NAALADL2: variants seen among roughly 807,000 people sequenced by gnomAD.
NAALADL2 encodes the protein N-acetylated alpha-linked acidic dipeptidase like 2, also known as inactive N-acetylated-alpha-linked acidic dipeptidase-like protein 2.
Under a neutral mutation model 87.2 loss-of-function variants are expected in NAALADL2, and 76 were observed. That is an observed-to-expected ratio of 0.87 (90% CI 0.72 to 1.05). NAALADL2 has a LOEUF of 1.05. NAALADL2 is among the 50% of genes least tolerant of loss of function. The pLI, the probability that NAALADL2 is intolerant of heterozygous loss-of-function variation, is 0.00. For missense variants in NAALADL2, 1,089 were observed against 945.8 expected, an observed-to-expected ratio of 1.15 and a Z score of -1.99; for synonymous variants, 354 against 331.0, an observed-to-expected ratio of 1.07 and a Z score of -0.75.
chr3:175,443,371 G>T (rs115738301), intron 5 of NAALADL2, among the ~76,000 whole-genome samples: 2 of 152,114 alleles, frequency 1.3e-5, no homozygotes, highest in Non-Finnish European at 2.9e-5. Context: ...AAAATGGAAT[G>T]CAGTTATTGA....
intron 6 of NAALADL2, among the ~76,000 whole-genome samples, chr3:175,460,884 A>C (rs1018340347): frequency 1.3e-5 from 2 of 152,140 alleles, no homozygotes; most frequent in African/African-American, 4.8e-5. Flanking sequence ...CAAAAGAATA[A>C]AGCTTCCACA....
chr3:175,222,227 T>C (rs968732725), intron 2 of NAALADL2, among the ~76,000 whole-genome samples: 5 of 152,188 alleles, frequency 3.3e-5, no homozygotes, highest in African/African-American at 1.2e-4. Context: ...TCCTTAGATG[T>C]AGTAGATATT....
At chr3:175,002,924 C>T (rs554414100) in intron 1 of NAALADL2, among the ~76,000 whole-genome samples, 2 of 152,158 alleles carry the variant, frequency 1.3e-5, no homozygotes, top group Non-Finnish European at 2.9e-5. Flanking sequence ...CAGGCAAAAC[C>T]TTGCATCCTC....
chr3:175,172,978 G>A (rs987154551), intron 2 of NAALADL2, among the ~76,000 whole-genome samples: 8 of 151,924 alleles, frequency 5.3e-5, no homozygotes, highest in African/African-American at 1.9e-4. Flanking sequence ...ATAGATATTC[G>A]ATGCTGGTGT....
intron 2 of NAALADL2, among the ~76,000 whole-genome samples, chr3:174,675,581 G>A (rs1726971372): frequency 1.3e-5 from 2 of 152,120 alleles, no homozygotes; most frequent in South Asian, 4.1e-4. Flanking sequence ...AGAACAGACT[G>A]TTCTGTTCCC....
At position 175,806,761 on chromosome 3, in the gene NAALADL2, A is replaced by C. The variant is rs975547449; in HGVS notation, c.*3558A>C. On this transcript the variant is annotated 3_prime_UTR_variant, in exon 14 of 14. Transcript: ENST00000454872. ...CAAAATGAGAAAACTAGGTTGAGTGACTTGTCCACAGTTCCAAAGCTAATA... is the reference window on the plus strand; with the variant it reads ...CAAAATGAGAAAACTAGGTTGAGTGCCTTGTCCACAGTTCCAAAGCTAATA... The C allele has an allele frequency of 1.4e-5, 2 of 143,514 alleles. No individual in the cohort carries two copies. The highest frequency in any genetic ancestry group is 3.0e-5 in the Non-Finnish European group (2 of 66,380). The allele number at this position is 143,514 out of a possible 1,614,324, so 8.9% of individuals were successfully genotyped here.
chr3:175,314,202 G>A (rs1560340554), intron 4 of NAALADL2, among the ~76,000 whole-genome samples: 1 of 151,468 alleles, frequency 6.6e-6, no homozygotes, highest in Non-Finnish European at 1.5e-5. Flanking sequence ...ATGTATTTCA[G>A]AGCTGATTAT....
chr3:175,530,990 C>G (rs1734019622), intron 9 of NAALADL2, among the ~76,000 whole-genome samples: 1 of 152,046 alleles, frequency 6.6e-6, no homozygotes, highest in African/African-American at 2.4e-5. Flanking sequence ...CTCCAAAATC[C>G]TAGAGGCCTC....
chr3:175,461,476 C>A (rs1376130387), intron 6 of NAALADL2, among the ~76,000 whole-genome samples: 1 of 152,152 alleles, frequency 6.6e-6, no homozygotes, highest in Non-Finnish European at 1.5e-5. Context: ...CTCAATCCCC[C>A]CTCTAATCAC....
chr3:175,653,327 G>T (rs1419768094), intron 11 of NAALADL2, among the ~76,000 whole-genome samples: 2 of 152,072 alleles, frequency 1.3e-5, no homozygotes, highest in African/African-American at 2.4e-5. Flanking sequence ...GGCTCATATC[G>T]TAGAAGGGTC....
chr3:174,496,254 T>C (rs1515589), intron 1 of NAALADL2, among the ~76,000 whole-genome samples: 63,562 of 151,978 alleles, frequency 0.42, 14,294 homozygotes, highest in East Asian at 0.88. Context: ...ACCCTAGACA[T>C]GTCTTAAAGC....
intron 3 of NAALADL2, among the ~76,000 whole-genome samples, chr3:175,240,951 G>C (rs546742655): frequency 6.6e-6 from 1 of 152,250 alleles, no homozygotes; most frequent in Non-Finnish European, 1.5e-5. Context: ...ATGAGCCACT[G>C]TGCCAGGCCC....
intron 2 of NAALADL2, among the ~76,000 whole-genome samples, chr3:175,183,853 T>C (rs1410442934): frequency 6.6e-6 from 1 of 152,112 alleles, no homozygotes; most frequent in African/African-American, 2.4e-5. Flanking sequence ...TCTTACTTTG[T>C]TGACAGAGCA....
intron 1 of NAALADL2, among the ~76,000 whole-genome samples, chr3:174,518,472 C>T (rs1418636908): frequency 3.9e-5 from 6 of 152,116 alleles, no homozygotes; most frequent in Admixed American, 3.9e-4. Flanking sequence ...GATCTCTTTG[C>T]TTGTAGTGTT....
At chr3:175,203,520 C>T (rs1252215673) in intron 2 of NAALADL2, among the ~76,000 whole-genome samples, 1 of 152,176 alleles carries the variant, frequency 6.6e-6, no homozygotes, top group Non-Finnish European at 1.5e-5. Context: ...CAGGAGCCGT[C>T]TGCTTCCTTC....
intron 2 of NAALADL2, among the ~76,000 whole-genome samples, chr3:174,643,519 T>C (rs1723471110): frequency 6.6e-6 from 1 of 151,620 alleles, no homozygotes; most frequent in African/African-American, 2.4e-5. Flanking sequence ...CTGGGTGTGG[T>C]GGTGGGCGCC....
intron 13 of NAALADL2, among the ~76,000 whole-genome samples, chr3:175,762,272 TTTTA>T (rs1049520403): frequency 1.3e-4 from 20 of 149,122 alleles, no homozygotes; most frequent in African/African-American, 4.7e-4. Flanking sequence ...TTGAATTGTC[TTTTA>T]TTTGTCATAC....
intron 1 of NAALADL2, among the ~76,000 whole-genome samples, chr3:175,087,530 T>C (rs1258886356): frequency 2.6e-5 from 4 of 152,206 alleles, no homozygotes; most frequent in African/African-American, 7.2e-5. Flanking sequence ...TAGAAAGAAG[T>C]AGACATAGGA....
chr3:175,568,463 G>C (rs960596592), intron 9 of NAALADL2, among the ~76,000 whole-genome samples: 2 of 152,170 alleles, frequency 1.3e-5, no homozygotes, highest in Non-Finnish European at 2.9e-5. Flanking sequence ...GACACATTTA[G>C]AAGTAGTTTA....
Sources: gnomAD v4.1 joint callset for allele counts (sites outside exome capture counted in the v4.1 genomes callset) on GRCh38, gnomAD v4.1.1 for gene constraint, MANE v1.5 for transcripts, NCBI Gene and HGNC (gene_info 2026-07-23, HGNC 2026-07-21) for gene names.